PALM2AKAP2: variants seen among roughly 807,000 people sequenced by gnomAD.
The protein encoded by PALM2AKAP2 is PALM2-AKAP2 fusion protein.
In PALM2AKAP2, 37 loss-of-function variants were observed where a neutral mutation model predicts 71.5. That is an observed-to-expected ratio of 0.52 (90% CI 0.40 to 0.68). The LOEUF (loss-of-function observed/expected upper bound fraction) is 0.68. Ranked by LOEUF, PALM2AKAP2 falls within the 30% of genes least tolerant of loss-of-function variation. The pLI is 0.00. For missense variants in PALM2AKAP2, 1,224 were observed against 1,191.8 expected (o/e 1.03, Z -0.40); for synonymous variants, 468 against 478.8 (o/e 0.98, Z 0.29).
At chr9:109,981,121 G>A (rs1406023683) in intron 6 of PALM2AKAP2, among the ~76,000 whole-genome samples, 5 of 152,186 alleles carry the variant, frequency 3.3e-5, no homozygotes, top group Non-Finnish European at 7.3e-5. Flanking sequence ...TCCTAATGAG[G>A]AAATGGAGGA....
intron 1 of PALM2AKAP2, among the ~76,000 whole-genome samples, chr9:110,103,659 G>C (rs1414605255): frequency 6.6e-6 from 1 of 152,196 alleles, no homozygotes; most frequent in Non-Finnish European, 1.5e-5. Flanking sequence ...CTTCTTTGCA[G>C]TTTTTCCTCT....
In PALM2AKAP2 at chr9:109,880,699, C is replaced by G; in HGVS notation, c.257+18C>G. On this transcript the variant is annotated intron_variant, in intron 3 of 9. Transcript: ENST00000302798. ...ATTCAGAGGTAGGTGGCTTCCAGCC[C>G]AGGGAACCCATGCTACAGTTTTTCA... 1 of 1,612,702 alleles carries G rather than the reference C, an allele frequency of 6.2e-7. No homozygotes were observed. Among genetic ancestry groups the G allele is most frequent in the Non-Finnish European group, 8.5e-7 (1 of 1,179,402 alleles).
intron 1 of PALM2AKAP2, among the ~76,000 whole-genome samples, chr9:109,684,712 A>G (rs903505932): frequency 6.6e-6 from 1 of 152,258 alleles, no homozygotes; most frequent in African/African-American, 2.4e-5. Context: ...TGATTATTAC[A>G]TTAAACAGAT....
intron 1 of PALM2AKAP2, among the ~76,000 whole-genome samples, chr9:109,650,532 G>A (rs1005200851): frequency 8.5e-5 from 13 of 152,048 alleles, no homozygotes; most frequent in South Asian, 8.3e-4. Context: ...TCTTCTTGCC[G>A]CAGGGCCCAA....
intron 1 of PALM2AKAP2, among the ~76,000 whole-genome samples, chr9:109,673,836 C>T (rs181956494): frequency 4.5e-4 from 69 of 152,186 alleles, no homozygotes; most frequent in African/African-American, 1.6e-3. Context: ...GAATTGAACC[C>T]TTTACCATTA....
intron 7 of PALM2AKAP2, among the ~76,000 whole-genome samples, chr9:110,024,617 C>CT (rs1315768272): frequency 1.3e-5 from 2 of 151,962 alleles, no homozygotes; most frequent in Non-Finnish European, 2.9e-5. Flanking sequence ...AACTGTGTAT[C>CT]TACAAAAAAT....
intron 1 of PALM2AKAP2, among the ~76,000 whole-genome samples, chr9:110,062,689 T>G (rs1214063524): frequency 6.6e-6 from 1 of 152,304 alleles, no homozygotes; most frequent in African/African-American, 2.4e-5. Context: ...TGTGTTATAT[T>G]AGTTTGCTAA....
intron 1 of PALM2AKAP2, among the ~76,000 whole-genome samples, chr9:109,698,834 G>T (rs1165369846): frequency 6.6e-6 from 1 of 152,196 alleles, no homozygotes; most frequent in Non-Finnish European, 1.5e-5. Flanking sequence ...ACAAGCCATA[G>T]TGAATATAGT....
intron 1 of PALM2AKAP2, among the ~76,000 whole-genome samples, chr9:110,121,552 T>C (rs1476391442): frequency 1.3e-5 from 2 of 152,192 alleles, no homozygotes; most frequent in Non-Finnish European, 2.9e-5. Flanking sequence ...TTCCAGGCAA[T>C]GGGCTGGCTC....
chr9:110,116,213 G>A (rs974307761), intron 1 of PALM2AKAP2, among the ~76,000 whole-genome samples: 5 of 152,174 alleles, frequency 3.3e-5, no homozygotes, highest in Non-Finnish European at 7.3e-5. Context: ...CCAAGCCCCA[G>A]CATTCACTTT....
In PALM2AKAP2 at chr9:109,800,433, G is replaced by A. The variant is rs115426847; in HGVS notation, c.45+19900G>A. Among the ~76,000 whole-genome samples the A allele has an allele frequency of 2.6e-3, 394 of 152,266 alleles. 5 individuals carry two copies. Among genetic ancestry groups the A allele is most frequent in the African/African-American group, 9.0e-3 (373 of 41,548 alleles). On this transcript the variant is annotated intron_variant, in intron 1 of 9. Coordinates refer to the PALM2AKAP2 transcript ENST00000302798. ...GGAGGTTTAACGTTAGCCCAAGACC[G>A]GGTAGCTGAGTCCAGATTCAAACTC... is the stretch of plus-strand genomic sequence containing the variant.
chr9:109,908,657 A>G (rs568172676), intron 3 of PALM2AKAP2, among the ~76,000 whole-genome samples: 6 of 152,316 alleles, frequency 3.9e-5, no homozygotes, highest in African/African-American at 1.4e-4. Flanking sequence ...TTTTTCAATG[A>G]ATGACTCATT....
chr9:109,688,613 C>T (rs988282345), intron 1 of PALM2AKAP2, among the ~76,000 whole-genome samples: 1 of 152,178 alleles, frequency 6.6e-6, no homozygotes, highest in Non-Finnish European at 1.5e-5. Context: ...ACATTTAAGC[C>T]CCACTTGAGT....
At chr9:109,895,059 C>A (rs948032748) in intron 3 of PALM2AKAP2, among the ~76,000 whole-genome samples, 1 of 152,190 alleles carries the variant, frequency 6.6e-6, no homozygotes, top group African/African-American at 2.4e-5. Context: ...CGGGACACAC[C>A]ACAGGACTCT....
intron 3 of PALM2AKAP2, among the ~76,000 whole-genome samples, chr9:109,912,660 A>G (rs1260944109): frequency 2.0e-5 from 3 of 152,206 alleles, no homozygotes; most frequent in African/African-American, 7.2e-5. Context: ...TGGAGGTATT[A>G]AGATAGATGA....
At chr9:109,801,881 CTA>C (rs2131402058) in intron 1 of PALM2AKAP2, among the ~76,000 whole-genome samples, 1 of 152,266 alleles carries the variant, frequency 6.6e-6, no homozygotes, top group Admixed American at 6.5e-5. Flanking sequence ...GCAAGCAGCT[CTA>C]GTCTCACAAA....
intron 6 of PALM2AKAP2, among the ~76,000 whole-genome samples, chr9:109,948,339 A>G (rs1319676319): frequency 6.6e-6 from 1 of 152,184 alleles, no homozygotes; most frequent in East Asian, 1.9e-4. Context: ...TATATAACTC[A>G]AGTAAGCCTC....
intron 1 of PALM2AKAP2, among the ~76,000 whole-genome samples, chr9:110,089,002 G>A (rs1834645219): frequency 6.6e-6 from 1 of 152,066 alleles, no homozygotes; most frequent in Admixed American, 6.5e-5. Context: ...TTTCAGGCAT[G>A]AGCCACCGCG....
At chr9:110,047,074 T>G, upstream of PALM2AKAP2, among the ~76,000 whole-genome samples, 1 of 149,600 alleles carries the variant, frequency 6.7e-6, no homozygotes, top group Admixed American at 6.7e-5. Flanking sequence ...GAGAAAAAAA[T>G]GAAAAGGAAG....
Sources: allele counts gnomAD v4.1 joint callset (sites outside exome capture counted in the v4.1 genomes callset), GRCh38; gene constraint gnomAD v4.1.1; transcripts MANE v1.5; gene names NCBI Gene and HGNC (gene_info 2026-07-23, HGNC 2026-07-21).